Variants in PIEZO2 observed in about 807,000 individuals in gnomAD.
The protein encoded by PIEZO2 is piezo-type mechanosensitive ion channel component 2.
PIEZO2 carries 172 observed loss-of-function variants against 337.3 expected under a neutral mutation model. The observed-to-expected ratio is 0.51, with a 90% CI of 0.45 to 0.58. The LOEUF (loss-of-function observed/expected upper bound fraction) is 0.58. PIEZO2 is among the 20% of genes least tolerant of loss of function. PIEZO2 has a pLI of 0.00. For synonymous variants in PIEZO2, 1,251 were observed against 1,228.5 expected (o/e 1.02, Z -0.38); for missense variants, 3,028 against 3,391.3 (o/e 0.89, Z 2.66).
At position 10,675,235 on chromosome 18, in the gene PIEZO2, G is replaced by T; in HGVS notation, c.8135C>A (p.Ser2712Ter). Residue 2712 changes from serine to a stop codon, truncating the protein, a stop_gained, in exon 54 of 56, where the codon TCA (serine) becomes TAA (stop). Transcript: ENST00000674853. LOFTEE classifies it high-confidence loss of function. Reference sequence around the variant, plus strand: ...AGATAAAAGTTGCTTTATAGGTTTTGAGTTAGAATCACTAGGTGCTTTCAC... The same window carrying T: ...AGATAAAAGTTGCTTTATAGGTTTTTAGTTAGAATCACTAGGTGCTTTCAC... Reference protein sequence around the residue: ...YYVKAPSDSNSKPIKQLLSEN... With the variant: ...YYVKAPSDSN The T allele has an allele frequency of 6.4e-7, 1 of 1,556,242 alleles. No individual in the cohort carries two copies. Among genetic ancestry groups the T allele is most frequent in the South Asian group, 1.2e-5 (1 of 82,930 alleles).
rs2036441056 is a variant in PIEZO2 at position 10,724,399 on chromosome 18, A to C, written c.5030-6140T>G. Among the ~76,000 whole-genome samples, 1 of 152,168 alleles carries C rather than the reference A, an allele frequency of 6.6e-6. No homozygotes were observed. Among genetic ancestry groups the C allele is most frequent in the African/African-American group, 2.4e-5 (1 of 41,442 alleles). ...AAACAAAAGTGCTTTCTCCTGGCCCAGCATACTTGGGTGAAGTCTGCTGGA... is the reference window on the plus strand; with the variant it reads ...AAACAAAAGTGCTTTCTCCTGGCCCCGCATACTTGGGTGAAGTCTGCTGGA... On this transcript the variant is annotated intron_variant, in intron 36 of 55. Coordinates refer to ENST00000674853, the MANE Select transcript of PIEZO2 (RefSeq NM_001378183.1). The surrounding 1 kb of genome is among the most constrained non-coding windows in gnomAD (Gnocchi z 5.8).
intron 3 of PIEZO2, among the ~76,000 whole-genome samples, chr18:10,926,115 G>A (rs1450680568): frequency 3.3e-5 from 5 of 152,210 alleles, no homozygotes; most frequent in Non-Finnish European, 7.3e-5. Context: ...GAAAGCTACA[G>A]AAAACTAGTG....
Position 10,819,020 on chromosome 18 carries a change from T to A in PIEZO2, c.918-11746A>T, listed in dbSNP as rs765916826. 5.9e-5 allele frequency among the ~76,000 whole-genome samples: 9 copies of A among 152,234 alleles called. No homozygotes were observed. The highest frequency in any genetic ancestry group is 1.0e-4 in the Non-Finnish European group (7 of 68,048). ...ATTGTTAGTGGCTAATAATTTTTTG[T>A]TACACTTTAAACAGTAAATATACAC... On this transcript the variant is annotated intron_variant, in intron 7 of 55. Coordinates refer to ENST00000674853, the MANE Select transcript of PIEZO2 (RefSeq NM_001378183.1). This position sits in a 1 kb window ranked among gnomAD's most constrained non-coding sequence, Gnocchi z 4.3.
chr18:10,782,070 AT>A (rs990904281), intron 17 of PIEZO2, among the ~76,000 whole-genome samples: 15 of 147,950 alleles, frequency 1.0e-4, no homozygotes, highest in East Asian at 5.9e-4. Context: ...GTTGCTAAAA[AT>A]ATATATATAT....
chr18:10,787,086 A>G lies in PIEZO2; in HGVS notation c.2268T>C (p.Phe756=), dbSNP rs1388243191. The G allele has an allele frequency of 6.5e-7, 1 of 1,535,626 alleles. No individual in the cohort carries two copies. Among genetic ancestry groups the G allele is most frequent in the African/African-American group, 1.4e-5 (1 of 72,988 alleles). Residue 756 remains phenylalanine, a synonymous_variant, in exon 16 of 56, where the codon TTT becomes TTC. Transcript: ENST00000674853. ...LVLIFIYTYQ[F]ENFPGLWQNM... ...TTTGCCACAGGCCTGGGAAGTTCTCAAACTGATATGTGTATATAAAGATAA... is the reference window on the plus strand; with the variant it reads ...TTTGCCACAGGCCTGGGAAGTTCTCGAACTGATATGTGTATATAAAGATAA...
chr18:10,703,028 T>A (rs1159201022), intron 42 of PIEZO2, among the ~76,000 whole-genome samples: 2 of 152,206 alleles, frequency 1.3e-5, no homozygotes, highest in East Asian at 3.9e-4. Context: ...ATGTTTTTTA[T>A]TTTTTTGTAG....
rs562711118 is a variant in PIEZO2, at chr18:10,861,957, G to A, written c.493-4746C>T. Among the ~76,000 whole-genome samples the A allele has an allele frequency of 4.9e-4, 75 of 152,144 alleles. 1 individual carries two copies. The highest frequency in any genetic ancestry group is 1.6e-3 in the African/African-American group (66 of 41,510). Reference sequence around the variant, plus strand: ...CACTGGAACCAACGAGGCAGAGGTCGCAGTGAGCCGAGATCACGCCACTGC... The same window carrying A: ...CACTGGAACCAACGAGGCAGAGGTCACAGTGAGCCGAGATCACGCCACTGC... On this transcript the variant is annotated intron_variant, in intron 5 of 55. Transcript: ENST00000674853. This position sits in a 1 kb window ranked among gnomAD's most constrained non-coding sequence, Gnocchi z 4.3.
chr18:10,885,221 G>C (rs1423230455), intron 4 of PIEZO2, among the ~76,000 whole-genome samples: 1 of 151,986 alleles, frequency 6.6e-6, no homozygotes, highest in African/African-American at 2.4e-5. Flanking sequence ...TCAGGAGATC[G>C]AGACCATCCT....
intron 2 of PIEZO2, among the ~76,000 whole-genome samples, chr18:11,014,778 A>AAT (rs2036044966): frequency 7.4e-6 from 1 of 134,930 alleles, no homozygotes; most frequent in Admixed American, 7.5e-5. Flanking sequence ...CTCATTCCTC[A>AAT]GTGGGGAACA....
At chr18:10,873,105 A>G (rs1461067093) in intron 4 of PIEZO2, among the ~76,000 whole-genome samples, 1 of 152,222 alleles carries the variant, frequency 6.6e-6, no homozygotes, top group East Asian at 1.9e-4. Context: ...ATTCGTTTAC[A>G]TTATATATTA....
chr18:10,841,410 G>C (rs2041190075), intron 7 of PIEZO2, among the ~76,000 whole-genome samples: 1 of 152,138 alleles, frequency 6.6e-6, no homozygotes, highest in Non-Finnish European at 1.5e-5. Flanking sequence ...CACAGTGGGG[G>C]AGGCCAAGGC....
At chr18:10,985,900 T>C (rs1047064420) in intron 2 of PIEZO2, among the ~76,000 whole-genome samples, 1 of 151,916 alleles carries the variant, frequency 6.6e-6, no homozygotes, top group African/African-American at 2.4e-5. Context: ...ACTTTAAATG[T>C]AAATGGGTTA....
chr18:10,878,129 T>C lies in PIEZO2; in HGVS notation c.330-6714A>G, dbSNP rs1219606562. ...TCCTCCATCAGTAGATGTTTAACACTGTGTCACTCACTGATTTACCAATCT... is the reference window on the plus strand; with the variant it reads ...TCCTCCATCAGTAGATGTTTAACACCGTGTCACTCACTGATTTACCAATCT... On this transcript the variant is annotated intron_variant, in intron 4 of 55. Transcript: ENST00000674853. The surrounding 1 kb of genome is among the most constrained non-coding windows in gnomAD (Gnocchi z 4.3). 6.6e-6 allele frequency among the ~76,000 whole-genome samples: 1 copy of C among 152,200 alleles called. No homozygotes were observed. The highest frequency in any genetic ancestry group is 2.4e-5 in the African/African-American group (1 of 41,446).
At chr18:10,740,682 T>A (rs2037181368) in intron 33 of PIEZO2, 1 of 389,550 alleles carries the variant, frequency 2.6e-6, no homozygotes, top group Non-Finnish European at 4.8e-6. Context: ...TATTTAGCCA[T>A]AAAATATGTA....
At chr18:10,822,739 A>T (rs2040556166) in intron 7 of PIEZO2, among the ~76,000 whole-genome samples, 1 of 152,176 alleles carries the variant, frequency 6.6e-6, no homozygotes, top group Non-Finnish European at 1.5e-5. Flanking sequence ...AATTTTGTGA[A>T]CGCGTTGGGG....
chr18:10,811,189 A>C (rs1053269184), intron 7 of PIEZO2, among the ~76,000 whole-genome samples: 1 of 152,114 alleles, frequency 6.6e-6, no homozygotes, highest in African/African-American at 2.4e-5. Context: ...GGCATCATCT[A>C]GGTCTAGTTC....
intron 3 of PIEZO2, among the ~76,000 whole-genome samples, chr18:10,964,973 T>C (rs139961815): frequency 1.2e-4 from 18 of 152,360 alleles, no homozygotes; most frequent in Middle Eastern, 3.4e-3. Context: ...TTTTTATGTA[T>C]ACATATATAA....
rs145619130 is a variant in PIEZO2 at position 10,726,481 on chromosome 18, G to C, written c.5029+4926C>G. 2,622 of 1,519,398 alleles carry C rather than the reference G, an allele frequency of 1.7e-3. 36 individuals carry two copies. The African/African-American group carries it at 0.029, about 17-fold the overall frequency. 94.1% of individuals were successfully genotyped at this position (1,519,398 alleles called of 1,614,324 possible). A position where few individuals can be genotyped will look rare whatever the true frequency, so the allele number is the denominator to read the frequency against. Reference sequence around the variant, plus strand: ...CCCACGAGGAGGGCCTGGCCACCCTGCACAGCGTGCTGCTCCGCAAGCAGC... The same window carrying C: ...CCCACGAGGAGGGCCTGGCCACCCTCCACAGCGTGCTGCTCCGCAAGCAGC... On this transcript the variant is annotated intron_variant, in intron 36 of 55. Transcript: ENST00000674853. The surrounding 1 kb of genome is among the most constrained non-coding windows in gnomAD (Gnocchi z 5.9).
At chr18:10,719,033 T>G (rs1808900805) in intron 36 of PIEZO2, among the ~76,000 whole-genome samples, 1 of 151,060 alleles carries the variant, frequency 6.6e-6, no homozygotes, top group African/African-American at 2.4e-5. Flanking sequence ...AAATTTGCTA[T>G]GAGGTTCTTT....
Sources: gnomAD v4.1 joint callset for allele counts (sites outside exome capture counted in the v4.1 genomes callset) on GRCh38, gnomAD v4.1.1 for gene constraint, Gnocchi (gnomAD v3.1) non-coding constraint, MANE v1.5 for transcripts, NCBI Gene and HGNC (gene_info 2026-07-23, HGNC 2026-07-21) for gene names.